ZNF813: variants seen among roughly 807,000 people sequenced by gnomAD.
The protein encoded by ZNF813 is zinc finger protein 813.
Under a neutral mutation model 7.2 loss-of-function variants are expected in ZNF813, and 3 were observed. That is an observed-to-expected ratio of 0.42 (90% CI 0.19 to 1.08). ZNF813 has a LOEUF of 1.08. Among genes scored for constraint, ZNF813 ranks in the 50% least tolerant of loss-of-function variants. ZNF813 has a pLI of 0.30. For missense variants in ZNF813, 714 were observed against 753.3 expected, an observed-to-expected ratio of 0.95 and a Z score of 0.61; for synonymous variants, 227 against 256.3, an observed-to-expected ratio of 0.89 and a Z score of 1.09.
At chr19:53,478,655 G>C (rs1227233513) in intron 1 of ZNF813, among the ~76,000 whole-genome samples, 2 of 152,096 alleles carry the variant, frequency 1.3e-5, no homozygotes, top group African/African-American at 4.8e-5. Flanking sequence ...GTGTGCACCT[G>C]TAGTCACAGT....
rs1662988144 is a variant in ZNF813 at position 53,493,461 on chromosome 19, G to A, written c.*1375G>A. On this transcript the variant is annotated 3_prime_UTR_variant, in exon 4 of 4. Transcript: ENST00000396403. Reference sequence around the variant, plus strand: ...TATTTCTTTAAGTTCTCTAGCAAATGGAAGTGTTTTTAAATTTTCTTTTAA... The same window carrying A: ...TATTTCTTTAAGTTCTCTAGCAAATAGAAGTGTTTTTAAATTTTCTTTTAA... 1 of 151,622 alleles carries A rather than the reference G, an allele frequency of 6.6e-6. No individual in the cohort carries two copies. The highest frequency in any genetic ancestry group is 1.5e-5 in the Non-Finnish European group (1 of 67,996). The allele number at this position is 151,622 out of a possible 1,614,324, so 9.4% of individuals were successfully genotyped here. A position where few individuals can be genotyped will look rare whatever the true frequency, so the allele number is the denominator to read the frequency against.
intron 3 of ZNF813, among the ~76,000 whole-genome samples, chr19:53,490,122 A>T (rs1479511497): frequency 3.3e-5 from 5 of 152,156 alleles, no homozygotes; most frequent in African/African-American, 1.2e-4. Flanking sequence ...AATACTCCTT[A>T]CTTTAGGCTT....
chr19:53,483,553 C>G (rs1379883288), intron 1 of ZNF813, among the ~76,000 whole-genome samples, 197 bp from the exon 2 acceptor site: 1 of 152,150 alleles, frequency 6.6e-6, no homozygotes, highest in Non-Finnish European at 1.5e-5. Context: ...CCCCAGCTCC[C>G]CACTGCTGCA....
rs1443636586 is a variant in ZNF813, at chr19:53,470,072, G to GC, written c.-74+2285dup. Among the ~76,000 whole-genome samples, 3 of 152,124 alleles carry GC rather than the reference G, an allele frequency of 2.0e-5. 1 individual carries two copies. Among genetic ancestry groups the GC allele is most frequent in the Non-Finnish European group, 4.4e-5 (3 of 68,012 alleles). On this transcript the variant is annotated intron_variant, in intron 1 of 3. Transcript: ENST00000396403. ...AATCTATAGCATAGCATAACTTGTGGCCTTGCATAGCTGGTGGTCTTGCAG... is the reference window on the plus strand; with the variant it reads ...AATCTATAGCATAGCATAACTTGTGGCCCTTGCATAGCTGGTGGTCTTGCAG...
chr19:53,472,037 C>T (rs934689850), intron 1 of ZNF813, among the ~76,000 whole-genome samples: 12 of 152,100 alleles, frequency 7.9e-5, no homozygotes, highest in Non-Finnish European at 1.3e-4. Context: ...TTCTAGTCTG[C>T]ATGCTTATGG....
chr19:53,490,637 T>A lies in ZNF813; in HGVS notation c.405T>A (p.Pro135=), dbSNP rs1460456242. 6.2e-7 allele frequency: 1 copy of A among 1,614,076 alleles called. No homozygotes were observed. The highest frequency in any genetic ancestry group is 8.5e-7 in the Non-Finnish European group (1 of 1,180,050). Residue 135 remains proline, a synonymous_variant, in exon 4 of 4, where the codon CCT becomes CCA. Coordinates refer to ENST00000396403, the MANE Select transcript of ZNF813 (RefSeq NM_001004301.4). ...RYDQRHAGNK[P]IKDQLGSSFH... The stretch of plus-strand genomic sequence containing the variant: ...ATCAAAGGCATGCTGGAAACAAGCC[T>A]ATTAAAGATCAGCTTGGATCAAGCT...
chr19:53,494,207 T>A lies in ZNF813; in HGVS notation c.*2121T>A, dbSNP rs2086476589. On this transcript the variant is annotated 3_prime_UTR_variant, in exon 4 of 4. Coordinates refer to ENST00000396403, the MANE Select transcript of ZNF813 (RefSeq NM_001004301.4). ...GTACAAGGGGTCTTCAAGAAGTTCA[T>A]GGAAAAATACATATTTTGCATATTA... 1 of 152,200 alleles carries A rather than the reference T, an allele frequency of 6.6e-6. No homozygotes were observed. The highest frequency in any genetic ancestry group is 1.5e-5 in the Non-Finnish European group (1 of 68,040). 9.4% of individuals were successfully genotyped at this position (152,200 alleles called of 1,614,324 possible). A position where few individuals can be genotyped will look rare whatever the true frequency, so the allele number is the denominator to read the frequency against.
rs80333501 is a variant in ZNF813, at chr19:53,480,380, A to C, written c.-73-3370A>C. On this transcript the variant is annotated intron_variant, in intron 1 of 3. Transcript: ENST00000396403. ...GTTGTGATGTAAAAAAAAAAAAAAA[A>C]ACATAATTACTTCTGGAAGATGCCT... is the stretch of plus-strand genomic sequence containing the variant. 4.7e-5 allele frequency among the ~76,000 whole-genome samples: 7 copies of C among 148,482 alleles called. 1 individual carries two copies. The highest frequency in any genetic ancestry group is 4.3e-4 in the South Asian group (2 of 4,614).
At chr19:53,480,807 G>A (rs2086404468) in intron 1 of ZNF813, among the ~76,000 whole-genome samples, 1 of 152,200 alleles carries the variant, frequency 6.6e-6, no homozygotes, top group Non-Finnish European at 1.5e-5. Context: ...TGAAAGATGG[G>A]TTGGATTGGC....
rs542712759 is a variant in ZNF813 at position 53,491,664 on chromosome 19, C to G, written c.1432C>G (p.Arg478Gly). The change falls in exon 4 of 4, where the codon CGA becomes GGA. Residue 478 changes from arginine (R) to glycine (G), a missense_variant. Physicochemically the swap from Arg to Gly is moderately radical, Grantham distance 125. Around this residue, in one of 3 missense-constraint regions of ZNF813, gnomAD observed 563 missense variants for 554.2 expected, o/e 1.02. Transcript: ENST00000396403. ...KCNECGKTFS[R>G]ISALVIHTAI... ...TAATGAGTGTGGCAAGACGTTCAGT[C>G]GAATTTCAGCCCTCGTAATTCATAC... The G allele has an allele frequency of 6.2e-7, 1 of 1,613,692 alleles. No individual in the cohort carries two copies. The highest frequency in any genetic ancestry group is 2.2e-5 in the East Asian group (1 of 44,870).
At position 53,490,556 on chromosome 19, in the gene ZNF813, C is replaced by A. The variant is rs1331945567; in HGVS notation, c.324C>A (p.Ser108Arg). ...AGTGGCAAGAAGATGAAAGAAATAG[C>A]CATGAAGCACCCATGACAGAAATCA... is the stretch of plus-strand genomic sequence containing the variant. ...EFQWQEDERN[S>R]HEAPMTEIKK... The change falls in exon 4 of 4, where the codon AGC (serine) becomes AGA (arginine). Residue 108 changes from serine to arginine, a missense_variant. Physicochemically the swap from Ser to Arg is moderately radical, Grantham distance 110. Around this residue, in one of 3 missense-constraint regions of ZNF813, gnomAD observed 563 missense variants for 554.2 expected, o/e 1.02. Transcript: ENST00000396403. 2 of 1,614,088 alleles carry A rather than the reference C, an allele frequency of 1.2e-6. No individual in the cohort carries two copies. The highest frequency in any genetic ancestry group is 1.6e-4 in the Middle Eastern group (1 of 6,062).
chr19:53,496,096 C>A lies in ZNF813; in HGVS notation c.*4010C>A, dbSNP rs543344431. 1.4e-4 allele frequency: 35 copies of A among 250,730 alleles called. 2 individuals are homozygous for A. In the South Asian group the frequency reaches 2.0e-3, roughly 14 times the overall value. 15.5% of individuals were successfully genotyped at this position (250,730 alleles called of 1,614,324 possible). Reference sequence around the variant, plus strand: ...CTGTGTGAGCATTACAATCGCGTTACCATATCAAGCTGAAAATGTCACCAC... The same window carrying A: ...CTGTGTGAGCATTACAATCGCGTTAACATATCAAGCTGAAAATGTCACCAC... On this transcript the variant is annotated 3_prime_UTR_variant, in exon 4 of 4. Coordinates refer to ENST00000396403, the MANE Select transcript of ZNF813 (RefSeq NM_001004301.4).
At chr19:53,481,852 T>A (rs2086409872) in intron 1 of ZNF813, among the ~76,000 whole-genome samples, 1 of 152,202 alleles carries the variant, frequency 6.6e-6, no homozygotes, top group Non-Finnish European at 1.5e-5. Context: ...CCCAGGCATA[T>A]GAAAGATGCT....
chr19:53,490,582 A>G lies in ZNF813; in HGVS notation c.350A>G (p.Lys117Arg), dbSNP rs2147163370. 6.2e-7 allele frequency: 1 copy of G among 1,614,204 alleles called. No individual in the cohort carries two copies. Among genetic ancestry groups the G allele is most frequent in the Non-Finnish European group, 8.5e-7 (1 of 1,180,038 alleles). ...NSHEAPMTEIKKLTGSADRYD... is the reference protein window; with the variant it reads ...NSHEAPMTEIRKLTGSADRYD... Reference sequence around the variant, plus strand: ...CATGAAGCACCCATGACAGAAATCAAAAAGTTGACTGGTAGTGCAGACCGA... The same window carrying G: ...CATGAAGCACCCATGACAGAAATCAGAAAGTTGACTGGTAGTGCAGACCGA... Residue 117 changes from lysine (K) to arginine (R), a missense_variant, in exon 4 of 4, where the codon AAA becomes AGA. Lys to Arg is a conservative substitution (Grantham distance 26, BLOSUM62 2). Around this residue, in one of 3 missense-constraint regions of ZNF813, gnomAD observed 563 missense variants for 554.2 expected, o/e 1.02. Coordinates refer to ENST00000396403, the MANE Select transcript of ZNF813 (RefSeq NM_001004301.4).
intron 2 of ZNF813, among the ~76,000 whole-genome samples, chr19:53,484,315 T>C (rs2086422761): frequency 6.6e-6 from 1 of 152,126 alleles, no homozygotes; most frequent in African/African-American, 2.4e-5. Flanking sequence ...TGAGTTACTG[T>C]GTTTCTGACT....
At position 53,491,149 on chromosome 19, in the gene ZNF813, A is replaced by T. The variant is rs2086458995; in HGVS notation, c.917A>T (p.Lys306Ile). Residue 306 changes from lysine to isoleucine, a missense_variant, in exon 4 of 4, where the codon AAA (lysine) becomes ATA (isoleucine). By Grantham distance (102) the Lys-to-Ile change is moderately radical. Coordinates refer to ENST00000396403, the MANE Select transcript of ZNF813 (RefSeq NM_001004301.4). ...CCTTACAAATGTGAAGAATGTGACA[A>T]AGCTTTCAGTTTCAAATCAAACCTT... Reference protein sequence around the residue: ...EKPYKCEECDKAFSFKSNLKR... With the variant: ...EKPYKCEECDIAFSFKSNLKR... 2.5e-6 allele frequency: 4 copies of T among 1,613,978 alleles called. No homozygotes were observed. Among genetic ancestry groups the T allele is most frequent in the Non-Finnish European group, 3.4e-6 (4 of 1,180,006 alleles).
chr19:53,483,863 T>C, intron 2 of ZNF813, 26 bp downstream of exon 2: 1 of 1,613,962 alleles, frequency 6.2e-7, no homozygotes, highest in Non-Finnish European at 8.5e-7. Context: ...TGGTGGATTG[T>C]TCTGTCTCCT....
intron 1 of ZNF813, chr19:53,479,319 C>G: frequency 6.3e-7 from 1 of 1,586,102 alleles, no homozygotes; most frequent in Admixed American, 1.7e-5. Flanking sequence ...GAGGCAGGAA[C>G]CGGAGTGTGA....
rs754181517 is a variant in ZNF813, at chr19:53,490,666, A to G, written c.434A>G (p.His145Arg). 1.5e-5 allele frequency: 24 copies of G among 1,614,196 alleles called. No individual in the cohort carries two copies. The highest frequency in any genetic ancestry group is 1.9e-5 in the Non-Finnish European group (23 of 1,180,028). Residue 145 changes from histidine to arginine, a missense_variant, in exon 4 of 4, where the codon CAT becomes CGT. This residue lies in a region of ZNF813 where 563 missense variants were observed against 554.2 expected (regional missense o/e 1.02). Coordinates refer to ENST00000396403, the MANE Select transcript of ZNF813 (RefSeq NM_001004301.4). ...AAAGATCAGCTTGGATCAAGCTTTCATTCGCATCTGCCTGAACTCCACATG... is the reference window on the plus strand; with the variant it reads ...AAAGATCAGCTTGGATCAAGCTTTCGTTCGCATCTGCCTGAACTCCACATG... ...PIKDQLGSSF[H>R]SHLPELHMFQ... is the part of the protein sequence containing the mutation.
Sources: allele counts gnomAD v4.1 joint callset (sites outside exome capture counted in the v4.1 genomes callset), GRCh38; gene constraint gnomAD v4.1.1; regional missense constraint gnomAD v4.1.1; transcripts MANE v1.5; gene names NCBI Gene and HGNC (gene_info 2026-07-23, HGNC 2026-07-21).